ST7L: variants seen among roughly 807,000 people sequenced by gnomAD.
ST7L encodes suppression of tumorigenicity 7 like, also known as suppressor of tumorigenicity 7 protein-like.
Under a neutral mutation model 72.5 loss-of-function variants are expected in ST7L, and 57 were observed. The observed-to-expected ratio is 0.79, with a 90% CI of 0.64 to 0.98. The LOEUF is 0.98. Ranked by LOEUF, ST7L falls within the 50% of genes least tolerant of loss-of-function variation. The probability of loss-of-function intolerance (pLI) is 0.00; values close to 1 mark genes in which losing one functional copy is unlikely to be tolerated. For missense variants in ST7L, 576 were observed against 672.2 expected, an observed-to-expected ratio of 0.86 and a Z score of 1.58; for synonymous variants, 221 against 240.9, an observed-to-expected ratio of 0.92 and a Z score of 0.77.
At chr1:112,619,217 G>A (rs1670458063), upstream of ST7L, 2 of 1,125,076 alleles carry the variant, frequency 1.8e-6, no homozygotes, top group Non-Finnish European at 2.6e-6. Context: ...CCTCTGTGAA[G>A]GCTGAGTCCT....
intron 11 of ST7L, among the ~76,000 whole-genome samples, chr1:112,568,577 C>G (rs988051854): frequency 1.3e-5 from 2 of 151,082 alleles, no homozygotes; most frequent in South Asian, 4.2e-4. Context: ...CCTTGTGATT[C>G]GCCCGCCTCA....
At chr1:112,570,738 T>G (rs1571088463) in intron 11 of ST7L, 1 of 456,310 alleles carries the variant, frequency 2.2e-6, no homozygotes, top group East Asian at 6.9e-5. Flanking sequence ...GGTCTGTACA[T>G]ACTTCATCAA....
intron 11 of ST7L, among the ~76,000 whole-genome samples, chr1:112,567,101 T>C (rs964313607): frequency 6.6e-6 from 1 of 152,248 alleles, no homozygotes; most frequent in Non-Finnish European, 1.5e-5. Context: ...GACTTTCACA[T>C]TCTTATTGAC....
chr1:112,568,861 AATATATATATATATAT>A (rs377429784), intron 11 of ST7L, among the ~76,000 whole-genome samples: 2 of 114,918 alleles, frequency 1.7e-5, no homozygotes, highest in Non-Finnish European at 3.4e-5. Flanking sequence ...TATAAATATA[AATATATATATATATAT>A]ATATATATAT....
intron 5 of ST7L, among the ~76,000 whole-genome samples, chr1:112,595,553 T>TG (rs1666359057): frequency 6.6e-6 from 1 of 152,016 alleles, no homozygotes; most frequent in South Asian, 2.1e-4. Flanking sequence ...CTCAAGTAGC[T>TG]GGGACTACAG....
Position 112,530,779 on chromosome 1 carries a change from T to G in ST7L, c.1630-4668A>C, listed in dbSNP as rs554791794. ...CCCAGTGATCCAGCTAGTCTGTTACTTTAATGAGACAGCTCAATAAAGATA... is the reference window on the plus strand; with the variant it reads ...CCCAGTGATCCAGCTAGTCTGTTACGTTAATGAGACAGCTCAATAAAGATA... On this transcript the variant is annotated intron_variant, in intron 14 of 14. Transcript: ENST00000358039. Among the ~76,000 whole-genome samples the G allele has an allele frequency of 7.9e-5, 12 of 152,334 alleles. No individual in the cohort carries two copies. The East Asian group carries it at 1.5e-3, about 20-fold the overall frequency.
chr1:112,546,076 A>G (rs1056778330), intron 13 of ST7L, among the ~76,000 whole-genome samples: 1 of 151,970 alleles, frequency 6.6e-6, no homozygotes, highest in African/African-American at 2.4e-5. Flanking sequence ...TGTATTCCCA[A>G]CACCTGTTGA....
At chr1:112,539,806 T>G in intron 14 of ST7L, 1 of 985,336 alleles carries the variant, frequency 1.0e-6, no homozygotes, top group African/African-American at 1.7e-5. Flanking sequence ...ATACTTAGCT[T>G]TTAGGGTTTT....
At chr1:112,595,367 A>AAAG (rs1666308316) in intron 5 of ST7L, among the ~76,000 whole-genome samples, 1 of 146,998 alleles carries the variant, frequency 6.8e-6, no homozygotes, top group Admixed American at 6.8e-5. Flanking sequence ...CTTGGTCTCA[A>AAAG]AAGAAAAAAA....
intron 14 of ST7L, among the ~76,000 whole-genome samples, chr1:112,537,169 T>C (rs1439858050): frequency 6.6e-6 from 1 of 152,154 alleles, no homozygotes; most frequent in Non-Finnish European, 1.5e-5. Context: ...CTAATTTTTT[T>C]TGTATTTTTA....
At chr1:112,610,726 G>C in intron 3 of ST7L, 115 bp downstream of exon 3, 1 of 1,283,936 alleles carries the variant, frequency 7.8e-7, no homozygotes, top group Admixed American at 2.4e-5. Context: ...TTAGAATTTT[G>C]GGGGAAACAC....
At chr1:112,574,954 C>A (rs539471527) in intron 11 of ST7L, among the ~76,000 whole-genome samples, 1 of 152,052 alleles carries the variant, frequency 6.6e-6, no homozygotes, top group Admixed American at 6.6e-5. Context: ...AAAAAGTTTA[C>A]AAGGCTGGGC....
chr1:112,547,297 A>C (rs1487466425), intron 13 of ST7L, among the ~76,000 whole-genome samples: 2 of 151,386 alleles, frequency 1.3e-5, no homozygotes, highest in Non-Finnish European at 2.9e-5. Context: ...GGTTCAAGCA[A>C]TTCTCCTACC....
At chr1:112,582,506 C>T (rs993298676) in intron 7 of ST7L, 34 bp from the exon 8 acceptor site, 3 of 1,327,848 alleles carry the variant, frequency 2.3e-6, no homozygotes, top group Admixed American at 1.8e-5. Context: ...ATACAACTAT[C>T]ACTTTTGTAT....
chr1:112,570,334 G>T (rs951897260), intron 11 of ST7L, among the ~76,000 whole-genome samples: 8 of 151,988 alleles, frequency 5.3e-5, no homozygotes, highest in Non-Finnish European at 7.4e-5. Flanking sequence ...CAAATTCATT[G>T]CTTGAAGAAA....
At chr1:112,571,696 G>A (rs1662176454) in intron 11 of ST7L, among the ~76,000 whole-genome samples, 1 of 152,212 alleles carries the variant, frequency 6.6e-6, no homozygotes. Flanking sequence ...AAAGGGCTGG[G>A]ATTACAGGTG....
intron 12 of ST7L, 57 bp downstream of exon 12, chr1:112,555,810 CT>C: frequency 7.3e-7 from 1 of 1,364,174 alleles, no homozygotes; most frequent in Admixed American, 2.6e-5. Context: ...AAAAGACTGC[CT>C]GTGAATTCAA....
rs149297266 is a variant in ST7L at position 112,565,106 on chromosome 1, G to A, written c.1246-9088C>T. Among the ~76,000 whole-genome samples, 858 of 150,694 alleles carry A rather than the reference G, an allele frequency of 5.7e-3. 4 individuals are homozygous for A. The highest frequency in any genetic ancestry group is 0.019 in the African/African-American group (772 of 41,144). ...GTTGCCCAGGCTGGAGTGCAATGGC[G>A]CGATCTCGGCTCACTGCAACCTCTG... On this transcript the variant is annotated intron_variant, in intron 11 of 14. Coordinates refer to ENST00000358039, the MANE Select transcript of ST7L (RefSeq NM_017744.5).
intron 13 of ST7L, among the ~76,000 whole-genome samples, chr1:112,545,766 G>A (rs1196983347): frequency 6.6e-6 from 1 of 152,120 alleles, no homozygotes; most frequent in Admixed American, 6.6e-5. Flanking sequence ...TCATTGCTTA[G>A]ACATTTCTGT....
Sources: gnomAD v4.1 joint callset for allele counts (sites outside exome capture counted in the v4.1 genomes callset) on GRCh38, gnomAD v4.1.1 for gene constraint, MANE v1.5 for transcripts, NCBI Gene and HGNC (gene_info 2026-07-23, HGNC 2026-07-21) for gene names.